AGMO: variants seen among roughly 807,000 people sequenced by gnomAD.
AGMO encodes alkylglycerol monooxygenase.
A neutral mutation model predicts 60.2 loss-of-function variants in AGMO; 75 were observed. The ratio of observed to expected loss-of-function variants is 1.25; its 90% CI spans 1.03 to 1.51. AGMO has a LOEUF of 1.51. Ranked by LOEUF, AGMO falls within the 40% of genes most tolerant of loss-of-function variation. The pLI is 0.00. For synonymous variants in AGMO, 261 were observed against 177.1 expected (o/e 1.47, Z -3.76); for missense variants, 763 against 525.5 (o/e 1.45, Z -4.42).
intron 10 of AGMO, among the ~76,000 whole-genome samples, chr7:15,375,621 T>G (rs1015065904): frequency 4.6e-5 from 7 of 152,024 alleles, no homozygotes; most frequent in Non-Finnish European, 1.5e-5. Flanking sequence ...GGTCTCAAAC[T>G]CCTGACCTCA....
Position 15,401,857 on chromosome 7 carries a change from G to A in AGMO, c.610-7678C>T, listed in dbSNP as rs148702963. The stretch of plus-strand genomic sequence containing the variant: ...TGAGGAATGACTGGGTTTGGGTGAA[G>A]TGAAATGAAATCTCATAGTGGAATA... On this transcript the variant is annotated intron_variant, in intron 5 of 12. Coordinates refer to ENST00000342526, the MANE Select transcript of AGMO (RefSeq NM_001004320.2). Among the ~76,000 whole-genome samples the A allele has an allele frequency of 9.2e-5, 14 of 152,252 alleles. No homozygotes were observed. In the East Asian group the frequency reaches 2.5e-3, roughly 27 times the overall value.
intron 12 of AGMO, among the ~76,000 whole-genome samples, chr7:15,340,996 A>T (rs1338304820): frequency 6.6e-6 from 1 of 152,032 alleles, no homozygotes; most frequent in African/African-American, 2.4e-5. Context: ...ACCCTGTAAA[A>T]CCAAAGGGGT....
chr7:15,219,486 A>C (rs1028862270), intron 12 of AGMO, among the ~76,000 whole-genome samples: 1 of 151,348 alleles, frequency 6.6e-6, no homozygotes, highest in Non-Finnish European at 1.5e-5. Flanking sequence ...GGAAGGAAAA[A>C]AAGACAATTT....
At chr7:15,122,768 C>T in the AGMO span, among the ~76,000 whole-genome samples, 1 of 152,098 alleles carries the variant, frequency 6.6e-6, no homozygotes, top group African/African-American at 2.4e-5. Flanking sequence ...TCACAGCTTC[C>T]ACCCTGGTAT....
At chr7:15,501,701 G>A (rs1783389526) in intron 3 of AGMO, among the ~76,000 whole-genome samples, 1 of 151,892 alleles carries the variant, frequency 6.6e-6, no homozygotes, top group African/African-American at 2.4e-5. Flanking sequence ...AATAGGCCTA[G>A]GACATTAATT....
chr7:15,401,131 C>T (rs2128489672), intron 5 of AGMO, among the ~76,000 whole-genome samples: 1 of 152,206 alleles, frequency 6.6e-6, no homozygotes, highest in East Asian at 1.9e-4. Context: ...AGTTTTCTCA[C>T]TACCTTACAT....
chr7:15,232,826 C>T (rs1046719020), intron 12 of AGMO, among the ~76,000 whole-genome samples: 1 of 148,180 alleles, frequency 6.7e-6, no homozygotes, highest in African/African-American at 2.5e-5. Flanking sequence ...CACACACACA[C>T]AAAAACTAAA....
intron 3 of AGMO, among the ~76,000 whole-genome samples, chr7:15,522,100 T>C (rs935374378): frequency 1.6e-4 from 24 of 152,242 alleles, no homozygotes; most frequent in Admixed American, 1.2e-3. Flanking sequence ...TCATTCACAA[T>C]TGTTACCAAG....
At chr7:15,354,327 T>TGTATATAG (rs1491261219) in intron 12 of AGMO, among the ~76,000 whole-genome samples, 5 of 32,234 alleles carry the variant, frequency 1.6e-4, no homozygotes, top group African/African-American at 1.1e-3. Context: ...TGTATATACG[T>TGTATATAG]ACGCGTGTAT....
At chr7:15,374,600 A>G (rs1164901184) in intron 10 of AGMO, among the ~76,000 whole-genome samples, 1 of 123,478 alleles carries the variant, frequency 8.1e-6, no homozygotes, top group Non-Finnish European at 1.8e-5. Flanking sequence ...AAAACAAACA[A>G]TAGCAATATA....
chr7:15,557,629 T>C (rs2115311271), intron 2 of AGMO, among the ~76,000 whole-genome samples: 1 of 146,236 alleles, frequency 6.8e-6, no homozygotes. Flanking sequence ...AAAATAAAAA[T>C]ATTTTTCACC....
At chr7:15,298,875 T>C (rs1293972353) in intron 12 of AGMO, among the ~76,000 whole-genome samples, 1 of 152,188 alleles carries the variant, frequency 6.6e-6, no homozygotes, top group African/African-American at 2.4e-5. Flanking sequence ...ATTTTCTTAT[T>C]GTCCACCCCT....
chr7:15,298,679 G>A (rs1034819422), intron 12 of AGMO, among the ~76,000 whole-genome samples: 2 of 152,088 alleles, frequency 1.3e-5, no homozygotes, highest in African/African-American at 4.8e-5. Flanking sequence ...TGGAATTACA[G>A]GGATGAGCCA....
chr7:15,258,682 G>A (rs1178507668), intron 12 of AGMO, among the ~76,000 whole-genome samples: 12 of 152,158 alleles, frequency 7.9e-5, no homozygotes, highest in Admixed American at 1.3e-4. Context: ...CCACTCCCTT[G>A]CTACCTCTAC....
chr7:15,151,344 GT>G, the AGMO span, among the ~76,000 whole-genome samples: 2 of 151,742 alleles, frequency 1.3e-5, no homozygotes, highest in South Asian at 4.2e-4. Context: ...GCTCGTTTTG[GT>G]TTTCTTTTTT....
At chr7:15,261,291 T>C (rs941387865) in intron 12 of AGMO, among the ~76,000 whole-genome samples, 1 of 151,938 alleles carries the variant, frequency 6.6e-6, no homozygotes, top group East Asian at 1.9e-4. Flanking sequence ...ACGATCCAAA[T>C]AAGCTCAATT....
At chr7:15,204,342 G>T (rs1781386319) in intron 12 of AGMO, among the ~76,000 whole-genome samples, 1 of 152,034 alleles carries the variant, frequency 6.6e-6, no homozygotes, top group Admixed American at 6.6e-5. Flanking sequence ...CTCCTTAGTT[G>T]ATTAGATTAA....
intron 12 of AGMO, among the ~76,000 whole-genome samples, chr7:15,217,768 G>A (rs1781786274): frequency 6.6e-6 from 1 of 151,914 alleles, no homozygotes; most frequent in African/African-American, 2.4e-5. Flanking sequence ...GAAAGTAAAT[G>A]AGAAGAATGG....
chr7:15,483,425 G>A (rs1384251493), intron 3 of AGMO, among the ~76,000 whole-genome samples: 10 of 152,098 alleles, frequency 6.6e-5, no homozygotes, highest in African/African-American at 7.2e-5. Context: ...AATTAGCCGG[G>A]CGTGGTGGCG....
Sources: allele counts gnomAD v4.1 joint callset (sites outside exome capture counted in the v4.1 genomes callset), GRCh38; gene constraint gnomAD v4.1.1; transcripts MANE v1.5; gene names NCBI Gene and HGNC (gene_info 2026-07-23, HGNC 2026-07-21).